Variants in EXT2 observed in about 807,000 individuals in gnomAD.
EXT2 encodes exostosin-2.
Under a neutral mutation model 81.6 loss-of-function variants are expected in EXT2, and 53 were observed. That is an observed-to-expected ratio of 0.65 (90% CI 0.52 to 0.82). The LOEUF (loss-of-function observed/expected upper bound fraction) is 0.82. EXT2 is among the 40% of genes least tolerant of loss of function. The pLI is 0.00. For missense variants in EXT2, 774 were observed against 910.2 expected, an observed-to-expected ratio of 0.85 and a Z score of 1.93; for synonymous variants, 320 against 340.0, an observed-to-expected ratio of 0.94 and a Z score of 0.65.
At chr11:44,102,277 C>A (rs1235937465) in intron 1 of EXT2, among the ~76,000 whole-genome samples, 1 of 152,098 alleles carries the variant, frequency 6.6e-6, no homozygotes, top group Non-Finnish European at 1.5e-5. Context: ...AACCCTCAAC[C>A]AATAGTGGAT....
chr11:44,199,423 G>A (rs374099142), intron 9 of EXT2, among the ~76,000 whole-genome samples: 52 of 152,358 alleles, frequency 3.4e-4, no homozygotes, highest in African/African-American at 1.2e-3. Flanking sequence ...ATAAAGGATG[G>A]GCTATGTTTG....
intron 13 of EXT2, among the ~76,000 whole-genome samples, chr11:44,237,020 T>G (rs1427789008): frequency 6.6e-6 from 1 of 152,232 alleles, no homozygotes; most frequent in Admixed American, 6.5e-5. Flanking sequence ...TTCTCACTTG[T>G]GCCCCAAAAG....
intron 8 of EXT2, among the ~76,000 whole-genome samples, chr11:44,197,485 A>G (rs891080830): frequency 6.6e-6 from 1 of 151,990 alleles, no homozygotes; most frequent in Non-Finnish European, 1.5e-5. Flanking sequence ...CTCTTCTCCC[A>G]TCTCTTTGTC....
Position 44,107,790 on chromosome 11 carries a change from T to C in EXT2, c.78T>C (p.Tyr26=). ...PRMKTKHRIY[Y]ITLFSIVLLG... is the part of the protein sequence containing the mutation. ...TGAAGACCAAGCACCGAATCTACTA[T>C]ATCACCCTCTTCTCCATTGTCCTCC... is the stretch of plus-strand genomic sequence containing the variant. Residue 26 remains tyrosine (Y), a synonymous_variant, in exon 2 of 14, where the codon TAT becomes TAC. Coordinates refer to ENST00000533608, the MANE Select transcript of EXT2 (RefSeq NM_207122.2). The C allele has an allele frequency of 6.2e-7, 1 of 1,614,206 alleles. No homozygotes were observed. The highest frequency in any genetic ancestry group is 8.5e-7 in the Non-Finnish European group (1 of 1,180,052).
chr11:44,170,137 T>C (rs941727451), intron 7 of EXT2, among the ~76,000 whole-genome samples: 3 of 152,130 alleles, frequency 2.0e-5, no homozygotes, highest in African/African-American at 7.2e-5. Context: ...TTGCAAAGTA[T>C]TGAAATCACA....
At chr11:44,212,313 A>G (rs1955659826) in intron 10 of EXT2, among the ~76,000 whole-genome samples, 1 of 74,828 alleles carries the variant, frequency 1.3e-5, no homozygotes, top group East Asian at 5.2e-4. Flanking sequence ...ATAAATAAAT[A>G]AATAAATAAA....
In EXT2 at chr11:44,244,502, A is replaced by G. The variant is rs549675187; in HGVS notation, c.*215A>G. On this transcript the variant is annotated 3_prime_UTR_variant, in exon 14 of 14. Transcript: ENST00000533608. ...TGCAACCTCTGTTCTTGTATTTCTT[A>G]TGATCTCTGATGGGTTCTTCTCGAA... 8.9e-6 allele frequency: 5 copies of G among 563,766 alleles called. No individual in the cohort carries two copies. Among genetic ancestry groups the G allele is most frequent in the South Asian group, 8.2e-5 (4 of 48,912 alleles). 34.9% of individuals were successfully genotyped at this position (563,766 alleles called of 1,614,324 possible).
chr11:44,191,843 A>G (rs1163105949), intron 8 of EXT2, among the ~76,000 whole-genome samples: 1 of 152,210 alleles, frequency 6.6e-6, no homozygotes, highest in Non-Finnish European at 1.5e-5. Context: ...ACTGAGCTCC[A>G]AAGGCAAATA....
chr11:44,195,704 C>A (rs1590638069), intron 8 of EXT2, among the ~76,000 whole-genome samples: 1 of 152,100 alleles, frequency 6.6e-6, no homozygotes, highest in African/African-American at 2.4e-5. Context: ...TGATAGGGAA[C>A]CTTGGCAATC....
rs889033877 is a variant in EXT2, at chr11:44,248,069, T to C, written c.*3782T>C. Among the ~76,000 whole-genome samples the C allele has an allele frequency of 1.3e-5, 2 of 152,162 alleles. No homozygotes were observed. The highest frequency in any genetic ancestry group is 2.9e-5 in the Non-Finnish European group (2 of 68,022). ...CAGCTGATAGAGTAAAGGCTTTGGGTGTTGGAGACTTCCCATCAGCCACCC... is the reference window on the plus strand; with the variant it reads ...CAGCTGATAGAGTAAAGGCTTTGGGCGTTGGAGACTTCCCATCAGCCACCC... On this transcript the variant is annotated 3_prime_UTR_variant, in exon 14 of 14. Transcript: ENST00000533608.
intron 10 of EXT2, among the ~76,000 whole-genome samples, chr11:44,230,919 T>A (rs1478844677): frequency 6.6e-6 from 1 of 152,132 alleles, no homozygotes; most frequent in Non-Finnish European, 1.5e-5. Flanking sequence ...CAGCAACACT[T>A]GTGTGTTGGG....
At chr11:44,127,351 C>T (rs1269295839) in intron 6 of EXT2, among the ~76,000 whole-genome samples, 1 of 152,198 alleles carries the variant, frequency 6.6e-6, no homozygotes, top group Non-Finnish European at 1.5e-5. Context: ...GGCTGCACAG[C>T]AGGAGGTGAC....
In EXT2 at chr11:44,114,168, A is replaced by G; in HGVS notation, c.627-17A>G. ...GTCCTTTCTTTCTCATCGTTTAACA[A>G]AATACTTTGCTTTCAGGGCCCTGTT... On this transcript the variant is annotated splice_polypyrimidine_tract_variant and intron_variant, in intron 3 of 13. Transcript: ENST00000533608. 1.2e-6 allele frequency: 2 copies of G among 1,609,714 alleles called. No homozygotes were observed. The highest frequency in any genetic ancestry group is 1.7e-6 in the Non-Finnish European group (2 of 1,175,992).
At chr11:44,146,984 A>C (rs568969946) in intron 7 of EXT2, among the ~76,000 whole-genome samples, 1 of 152,296 alleles carries the variant, frequency 6.6e-6, no homozygotes, top group Admixed American at 6.5e-5. Flanking sequence ...GATTTGGGGG[A>C]TGGGGAGGAC....
At chr11:44,117,550 C>A (rs977365234) in intron 4 of EXT2, among the ~76,000 whole-genome samples, 1 of 152,102 alleles carries the variant, frequency 6.6e-6, no homozygotes, top group Non-Finnish European at 1.5e-5. Flanking sequence ...TGTCTGAACA[C>A]CACTGGTTGA....
At chr11:44,124,167 A>C (rs1315304829) in intron 4 of EXT2, among the ~76,000 whole-genome samples, 1 of 151,908 alleles carries the variant, frequency 6.6e-6, no homozygotes, top group Non-Finnish European at 1.5e-5. Context: ...CGTTTTTTCT[A>C]CTTCTTGTTT....
At chr11:44,204,070 T>A (rs1234801920) in intron 9 of EXT2, among the ~76,000 whole-genome samples, 1 of 152,218 alleles carries the variant, frequency 6.6e-6, no homozygotes, top group Non-Finnish European at 1.5e-5. Context: ...GGTACTTCTT[T>A]TAATGTTGTG....
rs536949866 is a variant in EXT2, at chr11:44,129,978, G to T, written c.1080-67G>T. ...TGTTTCTGCTTGTGAAATGAAACAA[G>T]ACTGTGTGTAGAAATGCTTTCTGTG... is the stretch of plus-strand genomic sequence containing the variant. On this transcript the variant is annotated intron_variant, in intron 6 of 13. Coordinates refer to ENST00000533608, the MANE Select transcript of EXT2 (RefSeq NM_207122.2). 66 of 1,213,516 alleles carry T rather than the reference G, an allele frequency of 5.4e-5. No individual in the cohort carries two copies. In the African/African-American group the frequency reaches 8.8e-4, roughly 16 times the overall value. The allele number at this position is 1,213,516 out of a possible 1,614,324, so 75.2% of individuals were successfully genotyped here.
intron 10 of EXT2, among the ~76,000 whole-genome samples, chr11:44,208,810 T>C (rs1955613836): frequency 1.3e-5 from 2 of 152,196 alleles, no homozygotes; most frequent in African/African-American, 4.8e-5. Flanking sequence ...AGTGGAAGAA[T>C]TGGGATTTAA....
Sources: gnomAD v4.1 joint callset for allele counts (sites outside exome capture counted in the v4.1 genomes callset) on GRCh38, gnomAD v4.1.1 for gene constraint, MANE v1.5 for transcripts, NCBI Gene and HGNC (gene_info 2026-07-23, HGNC 2026-07-21) for gene names.